FMN1: variants seen among roughly 807,000 people sequenced by gnomAD.
The protein encoded by FMN1 is formin 1, also known as formin-1.
Under a neutral mutation model 132.4 loss-of-function variants are expected in FMN1, and 110 were observed. That is an observed-to-expected ratio of 0.83 (90% CI 0.71 to 0.97). The LOEUF is 0.97. FMN1 is among the 50% of genes least tolerant of loss of function. The pLI is 0.00. For synonymous variants in FMN1, 722 were observed against 651.7 expected (o/e 1.11, Z -1.64); for missense variants, 1,792 against 1,705.3 (o/e 1.05, Z -0.90).
At position 32,768,802 on chromosome 15, in the gene FMN1, C is replaced by T. The variant is rs760615126; in HGVS notation, c.*5508G>A. Reference sequence around the variant, plus strand: ...GAGAAGATTTAAAAATAGAAAATTACATAAGCGTAGAGGGAATGTAGAAAA... The same window carrying T: ...GAGAAGATTTAAAAATAGAAAATTATATAAGCGTAGAGGGAATGTAGAAAA... On this transcript the variant is annotated 3_prime_UTR_variant, in exon 21 of 21. Transcript: ENST00000616417. 1.3e-5 allele frequency: 2 copies of T among 152,176 alleles called. No homozygotes were observed. The highest frequency in any genetic ancestry group is 2.4e-5 in the African/African-American group (1 of 41,458). 9.4% of individuals were successfully genotyped at this position (152,176 alleles called of 1,614,324 possible). A position where few individuals can be genotyped will look rare whatever the true frequency, so the allele number is the denominator to read the frequency against.
chr15:33,062,618 T>A (rs774732012), intron 6 of FMN1: 11 of 152,032 alleles, frequency 7.2e-5, no homozygotes, highest in Non-Finnish European at 1.0e-4. Context: ...TGAGACTCCA[T>A]CTCAAAAAAA....
intron 16 of FMN1, chr15:32,860,784 ACTC>A (rs142565704): frequency 0.016 from 2,392 of 152,076 alleles, 27 homozygotes; most frequent in African/African-American, 0.026. Context: ...GTGTCTCTGT[ACTC>A]CTCAAACATG....
At chr15:33,171,605 G>A (rs1169643349) in intron 3 of FMN1, among the ~76,000 whole-genome samples, 1 of 151,864 alleles carries the variant, frequency 6.6e-6, no homozygotes, top group East Asian at 1.9e-4. Flanking sequence ...AATGGTTCTT[G>A]GAATTTAATT....
chr15:32,898,758 A>G (rs906741843), intron 15 of FMN1, 76 bp downstream of exon 15: 3 of 963,258 alleles, frequency 3.1e-6, no homozygotes, highest in South Asian at 2.8e-5. Flanking sequence ...TCGTTCATCC[A>G]TCTATCCATC....
intron 17 of FMN1, among the ~76,000 whole-genome samples, chr15:32,807,594 T>C (rs1203345630): frequency 6.6e-6 from 1 of 152,218 alleles, no homozygotes; most frequent in Non-Finnish European, 1.5e-5. Flanking sequence ...CCAAGCTGTG[T>C]GTGCTAAGCA....
At chr15:33,127,945 G>T (rs1454987) in intron 4 of FMN1, among the ~76,000 whole-genome samples, 1 of 151,854 alleles carries the variant, frequency 6.6e-6, no homozygotes, top group African/African-American at 2.4e-5. Context: ...GGCAGCAACA[G>T]GACAGGAGAA....
chr15:32,902,828 G>A (rs2060330480), intron 12 of FMN1, among the ~76,000 whole-genome samples: 1 of 152,170 alleles, frequency 6.6e-6, no homozygotes, highest in African/African-American at 2.4e-5. Flanking sequence ...CCAGAGGAAG[G>A]GGTATAAATG....
At chr15:32,956,107 C>G (rs984620151) in intron 9 of FMN1, among the ~76,000 whole-genome samples, 3 of 152,166 alleles carry the variant, frequency 2.0e-5, no homozygotes, top group Admixed American at 6.5e-5. Flanking sequence ...CAGTTACTCT[C>G]TTCCAGGTTC....
At chr15:32,959,258 T>G (rs1567464831) in intron 9 of FMN1, among the ~76,000 whole-genome samples, 1 of 152,166 alleles carries the variant, frequency 6.6e-6, no homozygotes, top group Non-Finnish European at 1.5e-5. Context: ...TGGCCTTCAA[T>G]GCTGAAACTC....
intron 19 of FMN1, among the ~76,000 whole-genome samples, chr15:32,789,394 A>G (rs2056991382): frequency 1.3e-5 from 2 of 152,222 alleles, no homozygotes; most frequent in South Asian, 2.1e-4. Context: ...CATAGTCTGT[A>G]TATCACTTGA....
At chr15:33,112,683 C>A (rs2039756171) in intron 4 of FMN1, among the ~76,000 whole-genome samples, 1 of 152,144 alleles carries the variant, frequency 6.6e-6, no homozygotes, top group South Asian at 2.1e-4. Flanking sequence ...TGTATTTTTT[C>A]ACCACTACTT....
intron 5 of FMN1, among the ~76,000 whole-genome samples, 181 bp from the exon 6 acceptor site, chr15:33,065,255 A>G (rs1326400131): frequency 2.6e-5 from 4 of 152,050 alleles, no homozygotes; most frequent in Non-Finnish European, 5.9e-5. Context: ...TAACGTGATC[A>G]GTTGAGGTGA....
intron 5 of FMN1, among the ~76,000 whole-genome samples, chr15:33,083,602 G>T (rs576553906): frequency 6.6e-6 from 1 of 152,282 alleles, no homozygotes; most frequent in East Asian, 1.9e-4. Flanking sequence ...CTCACCCTAT[G>T]TATCTCTTGA....
chr15:32,904,785 TCTTA>T (rs2060381340), intron 12 of FMN1, among the ~76,000 whole-genome samples: 1 of 152,298 alleles, frequency 6.6e-6, no homozygotes, highest in Admixed American at 6.5e-5. Context: ...ATAGCTCCTC[TCTTA>T]TTTATCTGCT....
intron 1 of FMN1, among the ~76,000 whole-genome samples, chr15:33,194,361 G>GA (rs1566975592): frequency 6.6e-6 from 1 of 151,080 alleles, no homozygotes; most frequent in Non-Finnish European, 1.5e-5. Context: ...GGAGCGTTGG[G>GA]ATGACCCGGA....
At chr15:32,914,614 C>G (rs1245017107) in intron 10 of FMN1, among the ~76,000 whole-genome samples, 1 of 152,194 alleles carries the variant, frequency 6.6e-6, no homozygotes, top group Non-Finnish European at 1.5e-5. Flanking sequence ...ATTACACACA[C>G]AAAAAGTCAA....
At chr15:33,050,278 T>C (rs2036908590) in intron 6 of FMN1, among the ~76,000 whole-genome samples, 1 of 152,160 alleles carries the variant, frequency 6.6e-6, no homozygotes, top group Admixed American at 6.5e-5. Context: ...GGTTGGAAAA[T>C]GCTTCCTTTA....
At chr15:32,800,104 T>C (rs1254255456) in intron 18 of FMN1, among the ~76,000 whole-genome samples, 2 of 152,198 alleles carry the variant, frequency 1.3e-5, no homozygotes, top group Non-Finnish European at 2.9e-5. Context: ...TATTGGGCAA[T>C]ATGTATCTCA....
chr15:32,980,779 G>A (rs2032589239), intron 7 of FMN1, among the ~76,000 whole-genome samples: 1 of 152,102 alleles, frequency 6.6e-6, no homozygotes, highest in South Asian at 2.1e-4. Context: ...ACTTTGGGAG[G>A]CCAAGGAAGG....
Sources: gnomAD v4.1 joint callset for allele counts (sites outside exome capture counted in the v4.1 genomes callset) on GRCh38, gnomAD v4.1.1 for gene constraint, MANE v1.5 for transcripts, NCBI Gene and HGNC (gene_info 2026-07-23, HGNC 2026-07-21) for gene names.